OR56A3: variants seen among roughly 807,000 people sequenced by gnomAD.
OR56A3 encodes the protein olfactory receptor 56A3.
A neutral mutation model predicts 17.5 loss-of-function variants in OR56A3; 23 were observed. That is an observed-to-expected ratio of 1.32 (90% CI 0.95 to 1.87). The LOEUF is 1.87. Ranked by LOEUF, OR56A3 falls within the 40% of genes most tolerant of loss-of-function variation. The pLI is 0.00. For synonymous variants in OR56A3, 175 were observed against 150.6 expected, an observed-to-expected ratio of 1.16 and a Z score of -1.19; for missense variants, 366 against 380.1, an observed-to-expected ratio of 0.96 and a Z score of 0.31.
At chr11:5,946,901 T>C (rs1275034871) in intron 2 of OR56A3, among the ~76,000 whole-genome samples, 1 of 152,212 alleles carries the variant, frequency 6.6e-6, no homozygotes, top group African/African-American at 2.4e-5. Context: ...CAGGCTCTGC[T>C]ATTTATTTGA....
the OR56A3 span, chr11:5,967,799 C>T: frequency 1.3e-6 from 2 of 1,576,456 alleles, no homozygotes; most frequent in East Asian, 4.6e-5. Flanking sequence ...CTCCCTCACC[C>T]TTAATCCTTA....
chr11:5,998,046 T>C, the OR56A3 span, among the ~76,000 whole-genome samples: 1 of 152,170 alleles, frequency 6.6e-6, no homozygotes, highest in Non-Finnish European at 1.5e-5. Context: ...GTGAGGAAAC[T>C]GGAGAGGATG....
At chr11:5,997,644 T>C in the OR56A3 span, among the ~76,000 whole-genome samples, 1 of 152,162 alleles carries the variant, frequency 6.6e-6, no homozygotes, top group African/African-American at 2.4e-5. Context: ...CACGGAGACT[T>C]GAGGCATTAC....
the OR56A3 span, among the ~76,000 whole-genome samples, chr11:5,956,405 T>C: frequency 1.0e-5 from 1 of 98,798 alleles, no homozygotes; most frequent in African/African-American, 3.9e-5. Context: ...TTACATGTTT[T>C]GGGTTGACTC....
In OR56A3 at chr11:5,948,498, G is replaced by T. The variant is rs559388294; in HGVS notation, c.*204G>T. 1 of 531,334 alleles carries T rather than the reference G, an allele frequency of 1.9e-6. No homozygotes were observed. The highest frequency in any genetic ancestry group is 3.1e-5 in the South Asian group (1 of 31,814). 32.9% of individuals were successfully genotyped at this position (531,334 alleles called of 1,614,324 possible). On this transcript the variant is annotated 3_prime_UTR_variant, in exon 3 of 3. Transcript: ENST00000641160. Reference sequence around the variant, plus strand: ...TCAGAAATATTCTTGGCCCTCTCTCGTTTTATTCCATGCTTATAATCATAT... The same window carrying T: ...TCAGAAATATTCTTGGCCCTCTCTCTTTTTATTCCATGCTTATAATCATAT...
At chr11:5,994,693 G>A in the OR56A3 span, 4 of 831,292 alleles carry the variant, frequency 4.8e-6, no homozygotes, top group Admixed American at 6.9e-5. Flanking sequence ...CAGCAAGACG[G>A]GCATTGTCGA....
chr11:5,978,579 C>T, the OR56A3 span, among the ~76,000 whole-genome samples: 1,497 of 151,916 alleles, frequency 9.9e-3, 34 homozygotes, highest in African/African-American at 0.033. Context: ...CTGAAATTTG[C>T]TGAAGTTTTT....
chr11:6,005,229 C>A, the OR56A3 span, among the ~76,000 whole-genome samples: 1 of 151,834 alleles, frequency 6.6e-6, no homozygotes, highest in African/African-American at 2.4e-5. Context: ...TCTGTTAGGT[C>A]AAAAGATGCA....
chr11:6,014,021 C>A, the OR56A3 span, among the ~76,000 whole-genome samples: 1 of 152,172 alleles, frequency 6.6e-6, no homozygotes, highest in South Asian at 2.1e-4. Flanking sequence ...AAACAAGCTG[C>A]CTGAAGGTTT....
the OR56A3 span, among the ~76,000 whole-genome samples, chr11:5,959,299 G>T: frequency 3.3e-5 from 5 of 152,096 alleles, no homozygotes; most frequent in South Asian, 2.1e-4. Context: ...ATTTTTTGTG[G>T]TTTTTTTGTT....
At chr11:5,990,916 T>C in the OR56A3 span, among the ~76,000 whole-genome samples, 2 of 152,106 alleles carry the variant, frequency 1.3e-5, no homozygotes, top group Non-Finnish European at 2.9e-5. Context: ...CTGGGAATTT[T>C]CATGAAGAGT....
At chr11:5,982,687 G>C in the OR56A3 span, among the ~76,000 whole-genome samples, 1 of 152,266 alleles carries the variant, frequency 6.6e-6, no homozygotes, top group Admixed American at 6.5e-5. Flanking sequence ...TTCCACTGCA[G>C]CCAGTCCCAT....
the OR56A3 span, among the ~76,000 whole-genome samples, chr11:5,978,939 T>C: frequency 6.6e-6 from 1 of 152,180 alleles, no homozygotes; most frequent in Non-Finnish European, 1.5e-5. Context: ...ATGTTGAATG[T>C]TATCAAAAGA....
At chr11:6,010,743 A>G in the OR56A3 span, among the ~76,000 whole-genome samples, 1 of 152,160 alleles carries the variant, frequency 6.6e-6, no homozygotes, top group African/African-American at 2.4e-5. Flanking sequence ...TCCCCAGACC[A>G]TATATTATAA....
Position 5,948,273 on chromosome 11 carries a change from G to A in OR56A3, c.927G>A (p.Arg309=). ...AAGAAATTAAGCAGGGAATGCAGAG[G>A]TTGTTGAAGAAAGGGTGCTAACAAG... ...RTQEIKQGMQ[R]LLKKGC Residue 309 remains arginine (R), a synonymous_variant, in exon 3 of 3, where the codon AGG becomes AGA. Transcript: ENST00000641160. The A allele has an allele frequency of 1.2e-6, 2 of 1,613,512 alleles. No homozygotes were observed. The highest frequency in any genetic ancestry group is 2.2e-5 in the East Asian group (1 of 44,876).
intron 2 of OR56A3, among the ~76,000 whole-genome samples, chr11:5,946,844 T>G (rs1037176328): frequency 2.0e-4 from 31 of 152,352 alleles, no homozygotes; most frequent in African/African-American, 7.5e-4. Flanking sequence ...AAGGATGTCA[T>G]GGGGACATGG....
At position 5,948,159 on chromosome 11, in the gene OR56A3, A is replaced by T. The variant is rs201776447; in HGVS notation, c.813A>T (p.Lys271Asn). Residue 271 changes from lysine to asparagine, a missense_variant, in exon 3 of 3, where the codon AAA (lysine) becomes AAT (asparagine). Transcript: ENST00000641160. Reference protein sequence around the residue: ...VFVLTHVAKKKVSPDVPVLLN... With the variant: ...VFVLTHVAKKNVSPDVPVLLN... The stretch of plus-strand genomic sequence containing the variant: ...TCCTCACACATGTGGCTAAGAAGAA[A>T]GTCTCCCCTGATGTGCCAGTCTTGC... The T allele has an allele frequency of 4.5e-4, 732 of 1,614,082 alleles. 1 individual carries two copies. The highest frequency in any genetic ancestry group is 5.8e-4 in the Non-Finnish European group (679 of 1,180,038).
At chr11:5,993,443 ATT>A in the OR56A3 span, among the ~76,000 whole-genome samples, 1 of 152,036 alleles carries the variant, frequency 6.6e-6, no homozygotes, top group Non-Finnish European at 1.5e-5. Context: ...ACCCTCACCC[ATT>A]TTTTTCATCA....
chr11:5,947,221 T>C (rs924192023), intron 2 of OR56A3, 90 bp from the exon 3 acceptor site: 5 of 886,360 alleles, frequency 5.6e-6, no homozygotes, highest in African/African-American at 1.7e-5. Flanking sequence ...CATAACCTGC[T>C]AGAAACCACA....
Sources: gnomAD v4.1 joint callset for allele counts (sites outside exome capture counted in the v4.1 genomes callset) on GRCh38, gnomAD v4.1.1 for gene constraint, MANE v1.5 for transcripts, NCBI Gene and HGNC (gene_info 2026-07-23, HGNC 2026-07-21) for gene names.